JMJD1C: variants seen among roughly 807,000 people sequenced by gnomAD.
The protein encoded by JMJD1C is jumonji domain containing 1C.
Under a neutral mutation model 245.3 loss-of-function variants are expected in JMJD1C, and 31 were observed. That is an observed-to-expected ratio of 0.13 (90% confidence interval 0.09 to 0.17). JMJD1C has a LOEUF of 0.17. JMJD1C is among the 10% of genes least tolerant of loss of function. The pLI is 1.00. For synonymous variants in JMJD1C, 1,057 were observed against 1,017.4 expected, an observed-to-expected ratio of 1.04 and a Z score of -0.74; for missense variants, 2,691 against 3,000.2, an observed-to-expected ratio of 0.90 and a Z score of 2.41.
chr10:63,339,283 T>C (rs1313319918), intron 2 of JMJD1C, among the ~76,000 whole-genome samples: 1 of 152,172 alleles, frequency 6.6e-6, no homozygotes, highest in Non-Finnish European at 1.5e-5. Flanking sequence ...ACTAGCTATA[T>C]CCTGTATTTT....
At chr10:63,209,315 G>C (rs1847042056) in intron 8 of JMJD1C, 80 bp from the exon 9 acceptor site, 1 of 1,188,362 alleles carries the variant, frequency 8.4e-7, no homozygotes, top group African/African-American at 1.6e-5. Flanking sequence ...AGTAGAACTG[G>C]GTATGATCTT....
intron 1 of JMJD1C, among the ~76,000 whole-genome samples, chr10:63,481,579 T>C (rs1031028670): frequency 5.3e-5 from 8 of 152,216 alleles, no homozygotes; most frequent in African/African-American, 1.7e-4. Context: ...CAGTCAATTA[T>C]AGATTATCTA....
At chr10:63,308,713 C>CA (rs1036517361) in intron 2 of JMJD1C, among the ~76,000 whole-genome samples, 11 of 49,614 alleles carry the variant, frequency 2.2e-4, no homozygotes, top group African/African-American at 8.9e-4. Context: ...ACTAGAAAGC[C>CA]AAAAAATAAA....
chr10:63,448,442 C>T (rs1951839702), intron 1 of JMJD1C, among the ~76,000 whole-genome samples: 1 of 152,184 alleles, frequency 6.6e-6, no homozygotes, highest in African/African-American at 2.4e-5. Context: ...CAGGTGTGAG[C>T]CTCCACACCC....
At chr10:63,320,240 G>A in intron 2 of JMJD1C, among the ~76,000 whole-genome samples, 1 of 151,914 alleles carries the variant, frequency 6.6e-6, no homozygotes, top group Non-Finnish European at 1.5e-5. Context: ...TTGATATTGA[G>A]TAATTTTTTC....
chr10:63,476,760 T>C (rs1435772270), intron 1 of JMJD1C, among the ~76,000 whole-genome samples: 1 of 151,974 alleles, frequency 6.6e-6, no homozygotes, highest in Admixed American at 6.6e-5. Flanking sequence ...ATTTTAAAAT[T>C]AAATTAAAAA....
chr10:63,330,436 T>C (rs1211527151), intron 2 of JMJD1C, among the ~76,000 whole-genome samples: 1 of 152,204 alleles, frequency 6.6e-6, no homozygotes, highest in African/African-American at 2.4e-5. Context: ...ATTCATGTTC[T>C]ACTTTTCTAA....
intron 2 of JMJD1C, among the ~76,000 whole-genome samples, chr10:63,368,357 A>G (rs1291386111): frequency 6.6e-6 from 1 of 152,226 alleles, no homozygotes; most frequent in Admixed American, 6.5e-5. Flanking sequence ...GAAATACATC[A>G]TATTCACGAA....
At chr10:63,389,576 T>C (rs534726893) in intron 1 of JMJD1C, among the ~76,000 whole-genome samples, 12 of 151,806 alleles carry the variant, frequency 7.9e-5, no homozygotes, top group Admixed American at 7.9e-4. Flanking sequence ...GAACATTTCA[T>C]CCCACAGCTA....
chr10:63,358,938 T>G (rs1945094319), intron 2 of JMJD1C: 1 of 160,420 alleles, frequency 6.2e-6, no homozygotes, highest in Non-Finnish European at 1.4e-5. Flanking sequence ...AATCTAACCA[T>G]GTTGGACCTT....
At chr10:63,390,624 C>G (rs2134596276) in intron 1 of JMJD1C, among the ~76,000 whole-genome samples, 1 of 152,232 alleles carries the variant, frequency 6.6e-6, no homozygotes, top group East Asian at 1.9e-4. Context: ...CTCTGATGAA[C>G]ATACATACAA....
At chr10:63,287,936 G>A (rs552345473) in intron 2 of JMJD1C, among the ~76,000 whole-genome samples, 27 of 152,138 alleles carry the variant, frequency 1.8e-4, no homozygotes, top group South Asian at 8.3e-4. Flanking sequence ...CAGTAGAGAC[G>A]GAGTTTTGCC....
intron 2 of JMJD1C, among the ~76,000 whole-genome samples, chr10:63,287,369 T>C (rs1858113231): frequency 6.6e-6 from 1 of 152,246 alleles, no homozygotes; most frequent in Admixed American, 6.5e-5. Context: ...GTTCCACGTA[T>C]GTGAAGTACC....
At chr10:63,302,875 T>C (rs150277905) in intron 2 of JMJD1C, among the ~76,000 whole-genome samples, 16 of 152,272 alleles carry the variant, frequency 1.1e-4, no homozygotes, top group African/African-American at 3.4e-4. Context: ...GTGATAAACA[T>C]CCACTTCTTC....
chr10:63,193,193 A>T, intron 15 of JMJD1C, 42 bp from the exon 16 acceptor site: 1 of 1,550,170 alleles, frequency 6.5e-7, no homozygotes, highest in Non-Finnish European at 8.9e-7. Flanking sequence ...ACTTTCTTCA[A>T]TAATTCAATT....
intron 1 of JMJD1C, among the ~76,000 whole-genome samples, chr10:63,401,445 C>A (rs182492430): frequency 3.9e-5 from 6 of 152,218 alleles, no homozygotes; most frequent in Admixed American, 3.9e-4. Context: ...CAGGATCTCA[C>A]GGTATTGCCC....
chr10:63,402,144 A>AAAAAAAAAC (rs1564882499), intron 1 of JMJD1C, among the ~76,000 whole-genome samples: 5 of 146,294 alleles, frequency 3.4e-5, no homozygotes, highest in East Asian at 2.0e-4. Context: ...AAAAAAAAAG[A>AAAAAAAAAC]AAAAAAAACA....
intron 1 of JMJD1C, 75 bp downstream of exon 1, chr10:63,465,420 G>C (rs912916991): frequency 1.1e-5 from 16 of 1,405,244 alleles, no homozygotes; most frequent in Non-Finnish European, 1.4e-5. Context: ...GGCGCCAGAG[G>C]GAAGCCTGCA....
chr10:63,460,265 C>G (rs1470722569), intron 1 of JMJD1C, among the ~76,000 whole-genome samples: 1 of 152,062 alleles, frequency 6.6e-6, no homozygotes, highest in Admixed American at 6.6e-5. Flanking sequence ...ACCTGTAATC[C>G]CAGCATTTTG....
Sources: gnomAD v4.1 joint callset for allele counts (sites outside exome capture counted in the v4.1 genomes callset) on GRCh38, gnomAD v4.1.1 for gene constraint, MANE v1.5 for transcripts, NCBI Gene and HGNC (gene_info 2026-07-23, HGNC 2026-07-21) for gene names.